CUBN: variants seen among roughly 807,000 people sequenced by gnomAD.
CUBN encodes 460 kDa receptor.
Under a neutral mutation model 405.3 loss-of-function variants are expected in CUBN, and 282 were observed. The observed-to-expected ratio is 0.70, with a 90% CI of 0.63 to 0.77. The LOEUF (loss-of-function observed/expected upper bound fraction) is 0.77. Among genes scored for constraint, CUBN ranks in the 30% least tolerant of loss-of-function variants. CUBN has a pLI of 0.00. For synonymous variants in CUBN, 1,684 were observed against 1,617.0 expected (o/e 1.04, Z -0.99); for missense variants, 4,514 against 4,475.2 (o/e 1.01, Z -0.25).
chr10:16,862,151 C>CTG (rs1488741733), intron 59 of CUBN, among the ~76,000 whole-genome samples: 2 of 98,720 alleles, frequency 2.0e-5, no homozygotes, highest in Non-Finnish European at 3.5e-5. Context: ...CCGTCTCTCT[C>CTG]TCTCTCTCTC....
At chr10:16,900,332 G>A (rs997284506) in intron 53 of CUBN, among the ~76,000 whole-genome samples, 1 of 152,212 alleles carries the variant, frequency 6.6e-6, no homozygotes. Flanking sequence ...GCATCATGAA[G>A]TGTTGAGATC....
chr10:16,940,389 T>TCA (rs1319770292), intron 36 of CUBN, 152 bp from the exon 37 acceptor site: 1 of 735,512 alleles, frequency 1.4e-6, no homozygotes, highest in Non-Finnish European at 2.3e-6. Flanking sequence ...AAAATTTCTT[T>TCA]CACTCGGACT....
At chr10:17,103,498 G>T (rs1333292731) in intron 12 of CUBN, among the ~76,000 whole-genome samples, 1 of 152,080 alleles carries the variant, frequency 6.6e-6, no homozygotes, top group African/African-American at 2.4e-5. Context: ...CCCATTCTCT[G>T]TGTCCCTGTG....
chr10:16,925,864 G>A (rs1386143371), intron 41 of CUBN, 90 bp from the exon 42 acceptor site: 11 of 1,140,060 alleles, frequency 9.6e-6, no homozygotes, highest in African/African-American at 4.6e-5. Context: ...GGTTTTCAAA[G>A]TGGAGGCAAT....
intron 31 of CUBN, among the ~76,000 whole-genome samples, chr10:16,969,933 G>A (rs1045241024): frequency 6.6e-5 from 10 of 152,236 alleles, no homozygotes; most frequent in Admixed American, 3.3e-4. Context: ...GCCCTCAGTG[G>A]CCATTTCATC....
chr10:17,108,571 A>G (rs1265165471), intron 10 of CUBN, among the ~76,000 whole-genome samples: 1 of 152,176 alleles, frequency 6.6e-6, no homozygotes, highest in Non-Finnish European at 1.5e-5. Flanking sequence ...ATTTGATGCT[A>G]CGGATAAAAA....
intron 31 of CUBN, among the ~76,000 whole-genome samples, chr10:16,959,089 G>C (rs1588520855): frequency 6.6e-6 from 1 of 152,074 alleles, no homozygotes; most frequent in South Asian, 2.1e-4. Flanking sequence ...TGATGGCAAG[G>C]CTTTCAGTAC....
At chr10:17,001,165 G>A (rs1347534512) in intron 28 of CUBN, among the ~76,000 whole-genome samples, 1 of 152,226 alleles carries the variant, frequency 6.6e-6, no homozygotes, top group Non-Finnish European at 1.5e-5. Context: ...GGCTTCAGGA[G>A]TGAAGGTGGA....
At chr10:17,097,336 A>G (rs879183789) in intron 14 of CUBN, among the ~76,000 whole-genome samples, 1 of 152,114 alleles carries the variant, frequency 6.6e-6, no homozygotes. Context: ...TGAGAAAAAA[A>G]TTGCCAAAAC....
At chr10:16,834,055 T>G (rs1239222189) in intron 64 of CUBN, among the ~76,000 whole-genome samples, 1 of 152,178 alleles carries the variant, frequency 6.6e-6, no homozygotes, top group African/African-American at 2.4e-5. Context: ...ATGCTCTTGG[T>G]TTTTAGGTTC....
At chr10:16,947,873 G>A (rs570891271) in intron 35 of CUBN, among the ~76,000 whole-genome samples, 50 of 152,280 alleles carry the variant, frequency 3.3e-4, no homozygotes, top group African/African-American at 9.6e-4. Context: ...GTAGCTCCTC[G>A]TTCCTCTCCT....
In CUBN at chr10:16,939,069, G is replaced by C; in HGVS notation, c.5627C>G (p.Ser1876Cys). The C allele has an allele frequency of 6.2e-7, 1 of 1,613,814 alleles. No individual in the cohort carries two copies. The change falls in exon 38 of 67, where the codon TCC becomes TGC. Residue 1876 changes from serine (S) to cysteine (C), a missense_variant. Physicochemically the swap from Ser to Cys is moderately radical, Grantham distance 112. This residue lies in a region of CUBN where 1,613 missense variants were observed against 1,542.8 expected (regional missense o/e 1.05). Transcript: ENST00000377833. ...PFWPENYPHN[S>C]NYQWTVNVNA... The stretch of plus-strand genomic sequence containing the variant: ...CACATTTACTGTCCATTGGTAATTG[G>C]AGTTATGTGGGTAGTTTTCAGGCCA...
intron 27 of CUBN, among the ~76,000 whole-genome samples, chr10:17,039,355 G>A (rs1218465603): frequency 6.6e-6 from 1 of 152,180 alleles, no homozygotes; most frequent in Non-Finnish European, 1.5e-5. Flanking sequence ...AAATATGGCT[G>A]TGATATTCAA....
At chr10:17,087,886 T>C (rs906336502) in intron 15 of CUBN, among the ~76,000 whole-genome samples, 1 of 152,174 alleles carries the variant, frequency 6.6e-6, no homozygotes, top group Admixed American at 6.5e-5. Flanking sequence ...GTTTATTTCA[T>C]AAATTCTGCA....
At chr10:17,029,731 G>T (rs960190404) in intron 27 of CUBN, among the ~76,000 whole-genome samples, 1 of 152,210 alleles carries the variant, frequency 6.6e-6, no homozygotes, top group African/African-American at 2.4e-5. Flanking sequence ...AGCGTTGGCG[G>T]TGGAGCCATA....
intron 31 of CUBN, among the ~76,000 whole-genome samples, chr10:16,961,536 T>C (rs868695742): frequency 6.6e-6 from 1 of 152,190 alleles, no homozygotes; most frequent in Non-Finnish European, 1.5e-5. Flanking sequence ...TCTGGAGGCC[T>C]GTGATCATAG....
At chr10:16,885,822 A>G (rs1352667417) in intron 56 of CUBN, among the ~76,000 whole-genome samples, 1 of 152,240 alleles carries the variant, frequency 6.6e-6, no homozygotes, top group Non-Finnish European at 1.5e-5. Context: ...CTTAATGACC[A>G]CAAACACAAA....
rs73590391 is a variant in CUBN at position 16,836,622 on chromosome 10, T to C, written c.10033-240A>G. Reference sequence around the variant, plus strand: ...TCTGCTGAAACCACAGACATTTCCCTGCTGAAAATAAGATCCCTCGCCTTT... The same window carrying C: ...TCTGCTGAAACCACAGACATTTCCCCGCTGAAAATAAGATCCCTCGCCTTT... On this transcript the variant is annotated intron_variant, in intron 62 of 66. Coordinates refer to ENST00000377833, the MANE Select transcript of CUBN (RefSeq NM_001081.4). Among the ~76,000 whole-genome samples, 1,550 of 152,338 alleles carry C rather than the reference T, an allele frequency of 0.01. 25 individuals carry two copies. Among genetic ancestry groups the C allele is most frequent in the African/African-American group, 0.036 (1,498 of 41,586 alleles).
chr10:17,046,484 T>A (rs1835135816), intron 23 of CUBN, among the ~76,000 whole-genome samples: 1 of 152,162 alleles, frequency 6.6e-6, no homozygotes. Flanking sequence ...ACGTTTTCCT[T>A]CTGATTTGGA....
Sources: allele counts gnomAD v4.1 joint callset (sites outside exome capture counted in the v4.1 genomes callset), GRCh38; gene constraint gnomAD v4.1.1; regional missense constraint gnomAD v4.1.1; transcripts MANE v1.5; gene names NCBI Gene and HGNC (gene_info 2026-07-23, HGNC 2026-07-21).